Variants in CEP112 observed in about 807,000 individuals in gnomAD.
CEP112 encodes the protein centrosomal protein of 112 kDa.
Under a neutral mutation model 153.0 loss-of-function variants are expected in CEP112, and 127 were observed. That is an observed-to-expected ratio of 0.83 (90% confidence interval 0.72 to 0.96). CEP112 has a LOEUF of 0.96. Ranked by LOEUF, CEP112 falls within the 40% of genes least tolerant of loss-of-function variation. The probability of loss-of-function intolerance (pLI) is 0.00; values close to 1 mark genes in which losing one functional copy is unlikely to be tolerated. For missense variants in CEP112, 1,089 were observed against 1,101.2 expected (o/e 0.99, Z 0.16); for synonymous variants, 358 against 374.4 (o/e 0.96, Z 0.51).
chr17:66,083,384 T>G (rs2067798145), intron 8 of CEP112, among the ~76,000 whole-genome samples: 2 of 152,148 alleles, frequency 1.3e-5, no homozygotes, highest in African/African-American at 4.8e-5. Flanking sequence ...CGTTATAAAT[T>G]ACCCAGTCTT....
intron 12 of CEP112, among the ~76,000 whole-genome samples, chr17:66,047,428 A>C (rs2066258417): frequency 6.6e-6 from 1 of 152,194 alleles, no homozygotes; most frequent in Non-Finnish European, 1.5e-5. Flanking sequence ...GTTTTTAATT[A>C]AAACACCCAT....
intron 20 of CEP112, among the ~76,000 whole-genome samples, chr17:65,890,737 C>T (rs2059433499): frequency 1.3e-5 from 2 of 152,138 alleles, no homozygotes; most frequent in African/African-American, 2.4e-5. Context: ...GGATATTAAT[C>T]TCCTTCCATA....
chr17:66,128,889 A>G (rs1321818587), intron 6 of CEP112, among the ~76,000 whole-genome samples: 1 of 152,198 alleles, frequency 6.6e-6, no homozygotes, highest in Non-Finnish European at 1.5e-5. Flanking sequence ...TCTTATAAAA[A>G]CACACAGAAA....
rs532985756 is a variant in CEP112 at position 65,706,618 on chromosome 17, C to T, written c.2608-17400G>A. ...CTTTATTTCCCTCTCCTTCCACTCA[C>T]CCCTTTGCCTCAATCTAATTATGTT... On this transcript the variant is annotated intron_variant, in intron 23 of 26. Coordinates refer to ENST00000535342, the MANE Select transcript of CEP112 (RefSeq NM_001199165.4). Among the ~76,000 whole-genome samples, 3 of 152,342 alleles carry T rather than the reference C, an allele frequency of 2.0e-5. No individual in the cohort carries two copies. The South Asian group carries it at 6.2e-4, about 32-fold the overall frequency.
chr17:65,815,631 T>C (rs2056222785), intron 21 of CEP112, among the ~76,000 whole-genome samples: 1 of 152,088 alleles, frequency 6.6e-6, no homozygotes, highest in Non-Finnish European at 1.5e-5. Context: ...TTCCTGCCCA[T>C]GAACTTGGTA....
chr17:65,894,828 C>T (rs1326289076), intron 20 of CEP112, among the ~76,000 whole-genome samples: 5 of 152,042 alleles, frequency 3.3e-5, no homozygotes, highest in African/African-American at 4.8e-5. Context: ...AATTCTGAAA[C>T]TTGTTGGAAG....
chr17:65,758,749 A>C lies in CEP112; in HGVS notation c.2395-8025T>G, dbSNP rs116435256. Among the ~76,000 whole-genome samples the C allele has an allele frequency of 9.5e-3, 1,452 of 152,318 alleles. 23 individuals carry two copies. The highest frequency in any genetic ancestry group is 0.033 in the African/African-American group (1,378 of 41,564). On this transcript the variant is annotated intron_variant, in intron 21 of 26. Coordinates refer to ENST00000535342, the MANE Select transcript of CEP112 (RefSeq NM_001199165.4). ...TAAAATAGTTGTTTTAGGCTGAAAGAAAGCAAGAATGCTTCCCAGATCCTA... is the reference window on the plus strand; with the variant it reads ...TAAAATAGTTGTTTTAGGCTGAAAGCAAGCAAGAATGCTTCCCAGATCCTA...
chr17:65,857,799 G>A (rs2058175119), intron 20 of CEP112, among the ~76,000 whole-genome samples: 2 of 151,870 alleles, frequency 1.3e-5, no homozygotes, highest in South Asian at 4.1e-4. Context: ...TTCATCCTCT[G>A]AAAGAATCAG....
At chr17:66,033,014 C>A (rs1440027791) in intron 12 of CEP112, among the ~76,000 whole-genome samples, 2 of 148,264 alleles carry the variant, frequency 1.3e-5, no homozygotes, top group Non-Finnish European at 3.0e-5. Flanking sequence ...TCAACATAAT[C>A]TGGCACGAAA....
chr17:65,950,210 T>G (rs945703889), intron 18 of CEP112, among the ~76,000 whole-genome samples: 5 of 152,078 alleles, frequency 3.3e-5, no homozygotes, highest in Non-Finnish European at 7.4e-5. Flanking sequence ...GCTGTTTTAA[T>G]TTTTTTTAAA....
At chr17:65,981,177 T>C (rs933944754) in intron 17 of CEP112, among the ~76,000 whole-genome samples, 2 of 152,162 alleles carry the variant, frequency 1.3e-5, no homozygotes, top group Admixed American at 6.5e-5. Flanking sequence ...TAGTTCATGA[T>C]CTTCTAACTT....
chr17:65,713,650 G>A (rs575081028), intron 23 of CEP112, among the ~76,000 whole-genome samples: 3 of 152,090 alleles, frequency 2.0e-5, no homozygotes, highest in South Asian at 2.1e-4. Context: ...GCAGTGGCAC[G>A]ATCTCAGCTC....
chr17:65,685,667 ATTTTTTTT>A (rs556118592), intron 24 of CEP112, among the ~76,000 whole-genome samples: 2 of 105,318 alleles, frequency 1.9e-5, no homozygotes, highest in African/African-American at 7.6e-5. Flanking sequence ...AATAGTTCTA[ATTTTTTTT>A]TTTTTTTTTT....
At chr17:65,931,561 CTATAAACAA>C (rs1296862255) in intron 18 of CEP112, among the ~76,000 whole-genome samples, 3 of 152,182 alleles carry the variant, frequency 2.0e-5, no homozygotes, top group Non-Finnish European at 4.4e-5. Flanking sequence ...CTGAGATCAG[CTATAAACAA>C]TGAAGGGAAA....
intron 22 of CEP112, among the ~76,000 whole-genome samples, chr17:65,749,377 G>A (rs1464470855): frequency 5.9e-5 from 9 of 151,854 alleles, no homozygotes; most frequent in South Asian, 2.1e-4. Flanking sequence ...GCGTGGTGGC[G>A]GGCACCTGTA....
At chr17:65,795,331 T>A (rs531415778) in intron 21 of CEP112, among the ~76,000 whole-genome samples, 11 of 152,230 alleles carry the variant, frequency 7.2e-5, no homozygotes, top group Non-Finnish European at 1.3e-4. Flanking sequence ...AGGCTTTGCA[T>A]AATTACTTCA....
At chr17:65,855,352 G>T (rs1160781961) in intron 20 of CEP112, among the ~76,000 whole-genome samples, 1 of 152,190 alleles carries the variant, frequency 6.6e-6, no homozygotes, top group Non-Finnish European at 1.5e-5. Flanking sequence ...GTGAGGAGTT[G>T]AAGAAAACAG....
intron 21 of CEP112, among the ~76,000 whole-genome samples, chr17:65,781,636 G>T (rs2054004055): frequency 6.6e-6 from 1 of 152,068 alleles, no homozygotes; most frequent in South Asian, 2.1e-4. Context: ...AAACAGCATG[G>T]TACTGGTACA....
intron 4 of CEP112, among the ~76,000 whole-genome samples, chr17:66,143,772 C>T (rs942091552): frequency 7.2e-5 from 11 of 152,132 alleles, no homozygotes; most frequent in Non-Finnish European, 2.9e-5. Context: ...AGAAACATAG[C>T]TCAGAGGGAA....
Sources: gnomAD v4.1 joint callset for allele counts (sites outside exome capture counted in the v4.1 genomes callset) on GRCh38, gnomAD v4.1.1 for gene constraint, MANE v1.5 for transcripts, NCBI Gene and HGNC (gene_info 2026-07-23, HGNC 2026-07-21) for gene names.